ZNF479: variants seen among roughly 807,000 people sequenced by gnomAD.
The protein encoded by ZNF479 is KRAB zinc finger protein KR19.
ZNF479 carries 15 observed loss-of-function variants against 14.7 expected under a neutral mutation model. The ratio of observed to expected loss-of-function variants is 1.02; its 90% CI spans 0.68 to 1.57. The LOEUF (loss-of-function observed/expected upper bound fraction) is 1.57, where lower values mean the gene tolerates loss of function less well. Among genes scored for constraint, ZNF479 ranks in the 40% most tolerant of loss-of-function variants. The probability of loss-of-function intolerance (pLI) is 0.00; values close to 1 mark genes in which losing one functional copy is unlikely to be tolerated. For missense variants in ZNF479, 506 were observed against 615.1 expected (o/e 0.82, Z 1.88); for synonymous variants, 145 against 211.5 (o/e 0.69, Z 2.73).
upstream of ZNF479, among the ~76,000 whole-genome samples, chr7:57,136,360 G>C (rs1786654548): frequency 6.6e-6 from 1 of 151,528 alleles, no homozygotes; most frequent in Admixed American, 6.6e-5. Flanking sequence ...CTCCAGCCTG[G>C]GAGACAGAGC....
chr7:57,126,051 T>C lies in ZNF479; in HGVS notation c.229A>G (p.Ile77Val). The change falls in exon 3 of 4, where the codon ATA becomes GTA. Residue 77 changes from isoleucine (I) to valine (V), a missense_variant. Transcript: ENST00000319636. The stretch of plus-strand genomic sequence containing the variant: ...TTGGCTACCATCTCATTTCTCTTTA[T>C]ATTCTGGGACTCTTTATTTTGCTCC... ...CLEQNKESQNIKRNEMVAKHP... is the reference protein window; with the variant it reads ...CLEQNKESQNVKRNEMVAKHP... The C allele has an allele frequency of 6.2e-7, 1 of 1,604,618 alleles. No homozygotes were observed. The highest frequency in any genetic ancestry group is 8.5e-7 in the Non-Finnish European group (1 of 1,179,902).
Position 57,138,576 on chromosome 7 carries a change from T to C in ZNF479, c.-15+1032A>G, listed in dbSNP as rs545433739. On this transcript the variant is annotated intron_variant, in intron 1 of 4. Coordinates refer to the ZNF479 transcript ENST00000331162. ...AGCCTACAGGCGCAGCGATGACTCT[T>C]ATACCCGGACCCAGCCAGTAGGAGA... Among the ~76,000 whole-genome samples, 10 of 152,160 alleles carry C rather than the reference T, an allele frequency of 6.6e-5. No individual in the cohort carries two copies. The East Asian group carries it at 1.9e-3, about 30-fold the overall frequency.
intron 1 of ZNF479, chr7:57,127,652 T>C: frequency 5.5e-6 from 3 of 543,068 alleles, no homozygotes; most frequent in Non-Finnish European, 7.1e-6. Context: ...GCAAAAGTCA[T>C]CTAAAAGGAA....
chr7:57,132,864 G>A (rs1047149056), upstream of ZNF479, among the ~76,000 whole-genome samples: 3 of 152,082 alleles, frequency 2.0e-5, no homozygotes, highest in African/African-American at 4.8e-5. Context: ...TCGTCCGTGT[G>A]CAGTGGCTCA....
In ZNF479 at chr7:57,118,768, A is replaced by G. The variant is rs543481402; in HGVS notation, c.*1072T>C. 6.4e-4 allele frequency among the ~76,000 whole-genome samples: 98 copies of G among 152,330 alleles called. No homozygotes were observed. The highest frequency in any genetic ancestry group is 1.3e-3 in the Non-Finnish European group (87 of 68,032). The stretch of plus-strand genomic sequence containing the variant: ...TCTTTGTACAATTTTTCTCTAGTAT[A>G]AATGCTTTCCTGTACCATAAGGTGT... On this transcript the variant is annotated 3_prime_UTR_variant, in exon 4 of 4. Coordinates refer to ENST00000319636, the MANE Select transcript of ZNF479 (RefSeq NM_001370129.2).
chr7:57,138,427 C>T (rs185930157), intron 1 of ZNF479, among the ~76,000 whole-genome samples: 1 of 152,180 alleles, frequency 6.6e-6, no homozygotes. Context: ...TTGTCTTCCT[C>T]ACACATTGAC....
At position 57,132,172 on chromosome 7, in the gene ZNF479, G is replaced by C. The variant is rs535837024; in HGVS notation, c.39+114C>G. On this transcript the variant is annotated intron_variant, in intron 1 of 3. Coordinates refer to ENST00000319636, the MANE Select transcript of ZNF479 (RefSeq NM_001370129.2). The stretch of plus-strand genomic sequence containing the variant: ...AGCCGAGCTGGGCCAAAGAGGATTT[G>C]GGTCGGCAGGCCCTGGAACTGACTG... The C allele has an allele frequency of 5.7e-6, 9 of 1,583,670 alleles. No individual in the cohort carries two copies. In the East Asian group the frequency reaches 2.0e-4, roughly 36 times the overall value.
At position 57,118,212 on chromosome 7, in the gene ZNF479, G is replaced by T. The variant is rs1371447247; in HGVS notation, c.*1628C>A. On this transcript the variant is annotated 3_prime_UTR_variant, in exon 4 of 4. Coordinates refer to ENST00000319636, the MANE Select transcript of ZNF479 (RefSeq NM_001370129.2). ...TCAACAAAGTTTGAGCATCTTCTCA[G>T]ATCTTCAAATTTTTCCTTTAATATA... is the stretch of plus-strand genomic sequence containing the variant. Among the ~76,000 whole-genome samples the T allele has an allele frequency of 2.0e-5, 3 of 152,250 alleles. No homozygotes were observed. Among genetic ancestry groups the T allele is most frequent in the African/African-American group, 7.2e-5 (3 of 41,472 alleles).
Position 57,131,575 on chromosome 7 carries a change from C to A in ZNF479, c.39+711G>T, listed in dbSNP as rs4283995. The stretch of plus-strand genomic sequence containing the variant: ...GAGACTCCCTCTCAAAAATAAAAAA[C>A]AAACAAACAAACAAAAAAAAAACAT... On this transcript the variant is annotated intron_variant, in intron 1 of 3. Transcript: ENST00000319636. Among the ~76,000 whole-genome samples, 565 of 83,486 alleles carry A rather than the reference C, an allele frequency of 6.8e-3. 55 individuals are homozygous for A. The highest frequency in any genetic ancestry group is 0.051 in the East Asian group (72 of 1,424). The allele number at this position is 83,486 out of a possible 152,430, so 54.8% of individuals were successfully genotyped here.
chr7:57,132,451 C>A, upstream of ZNF479: 2 of 1,414,638 alleles, frequency 1.4e-6, no homozygotes, highest in South Asian at 1.2e-5. Flanking sequence ...CGCAAAATTA[C>A]GGAAGTAGCC....
upstream of ZNF479, among the ~76,000 whole-genome samples, chr7:57,135,895 A>G (rs1030758971): frequency 2.6e-5 from 4 of 151,860 alleles, no homozygotes; most frequent in Non-Finnish European, 4.4e-5. Flanking sequence ...CTTTTGATTC[A>G]GTGCAATGCT....
chr7:57,139,649 C>T (rs1013191018), exon 1 of ZNF479: 3 of 152,188 alleles, frequency 2.0e-5, no homozygotes, highest in Non-Finnish European at 2.9e-5. Flanking sequence ...TGCATGAGAG[C>T]TGTCCTCAGG....
chr7:57,136,205 G>A (rs1470643217), upstream of ZNF479, among the ~76,000 whole-genome samples: 5 of 151,962 alleles, frequency 3.3e-5, no homozygotes, highest in Non-Finnish European at 5.9e-5. Flanking sequence ...CCAACATGGC[G>A]AAACCTCATC....
In ZNF479 at chr7:57,120,385, T is replaced by C. The variant is rs782727477; in HGVS notation, c.1030A>G (p.Lys344Glu). The change falls in exon 4 of 4, where the codon AAG (lysine) becomes GAG (glutamate). Residue 344 changes from lysine (K) to glutamate (E), a missense_variant. Lys to Glu is a moderately conservative substitution (Grantham distance 56). This residue lies in a region of ZNF479 where 420 missense variants were observed against 474.2 expected (regional missense o/e 0.89). Coordinates refer to ENST00000319636, the MANE Select transcript of ZNF479 (RefSeq NM_001370129.2). ...FSWSSNLTRH[K>E]RIHTREKPYA... ...GGTTTCTCTCTAGTATGAATTCTCT[T>C]ATGTCTAGTAAGGTTTGAGGACCAG... is the stretch of plus-strand genomic sequence containing the variant. 5.6e-6 allele frequency: 9 copies of C among 1,613,588 alleles called. No individual in the cohort carries two copies. The highest frequency in any genetic ancestry group is 5.5e-5 in the South Asian group (5 of 91,058).
chr7:57,132,403 A>G lies in ZNF479; in HGVS notation c.-79T>C. ...CAGAGGACACAGAGCAGTGAAGAGG[A>G]GAACTGCAGCTCTGGACGCAGAGAA... is the stretch of plus-strand genomic sequence containing the variant. On this transcript the variant is annotated 5_prime_UTR_variant, in exon 1 of 4. Coordinates refer to ENST00000319636, the MANE Select transcript of ZNF479 (RefSeq NM_001370129.2). 1 of 1,606,110 alleles carries G rather than the reference A, an allele frequency of 6.2e-7. No individual in the cohort carries two copies.
intron 1 of ZNF479, among the ~76,000 whole-genome samples, chr7:57,129,762 A>G (rs1786336576): frequency 6.6e-6 from 1 of 152,206 alleles, no homozygotes; most frequent in Non-Finnish European, 1.5e-5. Context: ...GATTAAGAGC[A>G]CAGCATTTTT....
rs782450108 is a variant in ZNF479 at position 57,119,949 on chromosome 7, C to A, written c.1466G>T (p.Gly489Val). Residue 489 changes from glycine (G) to valine (V), a missense_variant, in exon 4 of 4, where the codon GGA (glycine) becomes GTA (valine). Gly to Val is a moderately radical substitution (Grantham distance 109). Transcript: ENST00000319636. ...TLMQHKRIHT[G>V]EKPYKCEECE... ...TTCTTCACATTTGTAGGGTTTCTCT[C>A]CAGTATGAATTCTCTTATGTTGCAT... 1 of 1,614,012 alleles carries A rather than the reference C, an allele frequency of 6.2e-7. No individual in the cohort carries two copies. The highest frequency in any genetic ancestry group is 8.5e-7 in the Non-Finnish European group (1 of 1,179,966).
upstream of ZNF479, among the ~76,000 whole-genome samples, chr7:57,134,737 C>A (rs1786571582): frequency 6.7e-6 from 1 of 148,518 alleles, no homozygotes; most frequent in African/African-American, 2.5e-5. Flanking sequence ...TGCAGTGGCG[C>A]CATCTCGGCT....
chr7:57,134,665 CTTTTTT>C (rs71053216), upstream of ZNF479, among the ~76,000 whole-genome samples: 8 of 106,482 alleles, frequency 7.5e-5, no homozygotes, highest in African/African-American at 1.6e-4. Flanking sequence ...TTTCTTCTAT[CTTTTTT>C]TTTTTTTTTT....
Sources: allele counts gnomAD v4.1 joint callset (sites outside exome capture counted in the v4.1 genomes callset), GRCh38; gene constraint gnomAD v4.1.1; regional missense constraint gnomAD v4.1.1; transcripts MANE v1.5; gene names NCBI Gene and HGNC (gene_info 2026-07-23, HGNC 2026-07-21).